The following CUL3 variants were observed in gnomAD, a reference collection of about 807,000 sequenced individuals.
CUL3 encodes cullin-3.
CUL3 carries 19 observed loss-of-function variants against 89.1 expected under a neutral mutation model. The observed-to-expected ratio is 0.21, with a 90% CI of 0.15 to 0.31. The LOEUF (loss-of-function observed/expected upper bound fraction) is 0.31, where lower values mean the gene tolerates loss of function less well. Ranked by LOEUF, CUL3 falls within the 10% of genes least tolerant of loss-of-function variation. The pLI, the probability that CUL3 is intolerant of heterozygous loss-of-function variation, is 1.00. For synonymous variants in CUL3, 351 were observed against 308.4 expected (o/e 1.14, Z -1.45); for missense variants, 469 against 942.3 (o/e 0.50, Z 6.58).
intron 1 of CUL3, among the ~76,000 whole-genome samples, chr2:224,573,861 A>G (rs1215947802): frequency 1.3e-5 from 2 of 152,200 alleles, no homozygotes; most frequent in Non-Finnish European, 2.9e-5. Context: ...AGGATTTCAG[A>G]TAATTAGTTA....
chr2:224,526,895 G>C (rs1693501157), intron 3 of CUL3, among the ~76,000 whole-genome samples: 1 of 151,352 alleles, frequency 6.6e-6, no homozygotes, highest in African/African-American at 2.4e-5. Context: ...ACATTTTTAA[G>C]TAGCAAGAAA....
At chr2:224,561,424 G>A (rs7575152) in intron 1 of CUL3, among the ~76,000 whole-genome samples, 23,491 of 152,124 alleles carry the variant, frequency 0.15, 2,007 homozygotes, top group Non-Finnish European at 0.19. Context: ...TGATGTGTAT[G>A]AATGTGAAAA....
At chr2:224,550,931 G>C (rs755066440) in intron 2 of CUL3, among the ~76,000 whole-genome samples, 67 of 152,080 alleles carry the variant, frequency 4.4e-4, no homozygotes, top group Non-Finnish European at 8.2e-4. Flanking sequence ...TTCAAGGTCT[G>C]GCATGATATG....
chr2:224,522,070 TAAAA>T (rs71062936), intron 3 of CUL3, among the ~76,000 whole-genome samples: 40 of 133,670 alleles, frequency 3.0e-4, no homozygotes, highest in Non-Finnish European at 1.5e-4. Context: ...CATTTAAAAT[TAAAA>T]AAAAAAAAAA....
chr2:224,482,143 T>TA, intron 13 of CUL3, 65 bp from the exon 14 acceptor site: 6 of 1,274,392 alleles, frequency 4.7e-6, no homozygotes, highest in Non-Finnish European at 6.6e-6. Flanking sequence ...AATTAGCAAG[T>TA]AAACTGACCA....
At position 224,485,048 on chromosome 2, in the gene CUL3, C is replaced by A. The variant is rs1376068821; in HGVS notation, c.1843-2970G>T. Among the ~76,000 whole-genome samples the A allele has an allele frequency of 2.6e-5, 4 of 152,192 alleles. No homozygotes were observed. Among genetic ancestry groups the A allele is most frequent in the Non-Finnish European group, 4.4e-5 (3 of 68,020 alleles). On this transcript the variant is annotated intron_variant, in intron 13 of 15. Coordinates refer to ENST00000264414, the MANE Select transcript of CUL3 (RefSeq NM_003590.5). The surrounding 1 kb of genome is among the most constrained non-coding windows in gnomAD (Gnocchi z 4.1). ...ACAAGGGGTCAGGGAACTCCCTCCC[C>A]TAGCCAAGGGAAGCCCTGAGGGACT...
rs546244355 is a variant in CUL3 at position 224,473,996 on chromosome 2, G to A, written c.*249C>T. On this transcript the variant is annotated 3_prime_UTR_variant, in exon 16 of 16. Coordinates refer to ENST00000264414, the MANE Select transcript of CUL3 (RefSeq NM_003590.5). ...TTTCATACAGTAAAGAAAACAAAACGCAGCACATTCACATTTTCCCGAGGA... is the reference window on the plus strand; with the variant it reads ...TTTCATACAGTAAAGAAAACAAAACACAGCACATTCACATTTTCCCGAGGA... 44 of 313,982 alleles carry A rather than the reference G, an allele frequency of 1.4e-4. No individual in the cohort carries two copies. The highest frequency in any genetic ancestry group is 1.2e-3 in the Admixed American group (26 of 21,492). The allele number at this position is 313,982 out of a possible 1,614,324, so 19.4% of individuals were successfully genotyped here.
At chr2:224,549,630 TTAC>T (rs1371682068) in intron 2 of CUL3, among the ~76,000 whole-genome samples, 1 of 152,164 alleles carries the variant, frequency 6.6e-6, no homozygotes, top group Non-Finnish European at 1.5e-5. Flanking sequence ...AGGTTATTTC[TTAC>T]TATTAAAGTG....
intron 13 of CUL3, among the ~76,000 whole-genome samples, chr2:224,493,677 C>G (rs4674914): frequency 6.6e-6 from 1 of 152,128 alleles, no homozygotes; most frequent in Non-Finnish European, 1.5e-5. Flanking sequence ...AAAATGAATT[C>G]GTATTTTTTA....
At chr2:224,482,208 T>C (rs1349158764) in intron 13 of CUL3, 130 bp from the exon 14 acceptor site, 4 of 619,614 alleles carry the variant, frequency 6.5e-6, no homozygotes, top group Admixed American at 3.7e-5. Context: ...AAAAAAGAAT[T>C]CTCTTGAGTA....
chr2:224,514,680 A>T lies in CUL3; in HGVS notation c.471T>A (p.Ile157=). ...FRDQVVRYGC[I]RDHLRQTLLD... is the part of the protein sequence containing the mutation. The stretch of plus-strand genomic sequence containing the variant: ...ATAGAGTTTGCCGTAGATGATCCCT[A>T]ATACACCCATAACGTACAACTTGAT... The change falls in exon 4 of 16, where the codon ATT becomes ATA. Residue 157 remains isoleucine, a synonymous_variant. Coordinates refer to ENST00000264414, the MANE Select transcript of CUL3 (RefSeq NM_003590.5). 2 of 1,613,632 alleles carry T rather than the reference A, an allele frequency of 1.2e-6. No individual in the cohort carries two copies. The highest frequency in any genetic ancestry group is 8.5e-7 in the Non-Finnish European group (1 of 1,179,698).
At chr2:224,560,040 G>A (rs751436055) in intron 1 of CUL3, among the ~76,000 whole-genome samples, 13 of 152,150 alleles carry the variant, frequency 8.5e-5, no homozygotes, top group Middle Eastern at 3.4e-3. Context: ...TGGAGACTGC[G>A]CCACTACACA....
intron 2 of CUL3, among the ~76,000 whole-genome samples, chr2:224,550,551 C>T (rs1485975127): frequency 1.3e-5 from 2 of 152,156 alleles, no homozygotes; most frequent in African/African-American, 2.4e-5. Context: ...TATCTTAAAA[C>T]TAACCTGTTC....
rs555124020 is a variant in CUL3 at position 224,515,471 on chromosome 2, C to A, written c.379-699G>T. Among the ~76,000 whole-genome samples the A allele has an allele frequency of 2.6e-5, 4 of 152,262 alleles. No homozygotes were observed. In the East Asian group the frequency reaches 7.7e-4, roughly 29 times the overall value. On this transcript the variant is annotated intron_variant, in intron 3 of 15. Coordinates refer to ENST00000264414, the MANE Select transcript of CUL3 (RefSeq NM_003590.5). Reference sequence around the variant, plus strand: ...GAAGGATTAGTAATGTAATTCCTTTCTCGTCTCAGCAAGGATCTCTCTGGG... The same window carrying A: ...GAAGGATTAGTAATGTAATTCCTTTATCGTCTCAGCAAGGATCTCTCTGGG...
chr2:224,538,373 G>T (rs1465922137), intron 2 of CUL3, among the ~76,000 whole-genome samples: 1 of 152,152 alleles, frequency 6.6e-6, no homozygotes, highest in Non-Finnish European at 1.5e-5. Context: ...CTTTTAAAAA[G>T]ATGGTTAAGT....
At chr2:224,560,049 C>A (rs1449322034) in intron 1 of CUL3, among the ~76,000 whole-genome samples, 1 of 152,130 alleles carries the variant, frequency 6.6e-6, no homozygotes, top group Non-Finnish European at 1.5e-5. Context: ...CGCCACTACA[C>A]ACCAGCCTGG....
intron 3 of CUL3, among the ~76,000 whole-genome samples, chr2:224,517,062 T>C (rs189008911): frequency 1.4e-3 from 214 of 152,334 alleles, no homozygotes; most frequent in African/African-American, 4.9e-3. Flanking sequence ...ATAAATTTAA[T>C]AATTCAAAAA....
chr2:224,541,775 CTGAA>C (rs1319402470), intron 2 of CUL3, among the ~76,000 whole-genome samples: 1 of 151,922 alleles, frequency 6.6e-6, no homozygotes, highest in East Asian at 1.9e-4. Flanking sequence ...AATAATTATG[CTGAA>C]TGAAAGAAAC....
intron 2 of CUL3, among the ~76,000 whole-genome samples, chr2:224,541,477 A>G (rs1396967627): frequency 2.0e-5 from 3 of 152,244 alleles, no homozygotes; most frequent in Non-Finnish European, 1.5e-5. Context: ...GAACTACCAT[A>G]AACAAAATGG....
Sources: gnomAD v4.1 joint callset for allele counts (sites outside exome capture counted in the v4.1 genomes callset) on GRCh38, gnomAD v4.1.1 for gene constraint, Gnocchi (gnomAD v3.1) non-coding constraint, MANE v1.5 for transcripts, NCBI Gene and HGNC (gene_info 2026-07-23, HGNC 2026-07-21) for gene names.